Variants in GSAP observed in about 807,000 individuals in gnomAD.
The protein encoded by GSAP is gamma-secretase activating protein.
GSAP carries 118 observed loss-of-function variants against 131.7 expected under a neutral mutation model. The observed-to-expected ratio is 0.90, with a 90% CI of 0.77 to 1.04. The LOEUF (loss-of-function observed/expected upper bound fraction) is 1.04. GSAP is among the 50% of genes least tolerant of loss of function. The probability of loss-of-function intolerance (pLI) is 0.00; values close to 1 mark genes in which losing one functional copy is unlikely to be tolerated. For missense variants in GSAP, 1,019 were observed against 1,013.2 expected (o/e 1.01, Z -0.08); for synonymous variants, 381 against 363.4 (o/e 1.05, Z -0.55).
intron 19 of GSAP, among the ~76,000 whole-genome samples, chr7:77,344,589 G>GT (rs59700865): frequency 1 from 152,280 of 152,282 alleles, 76,139 homozygotes; most frequent in Non-Finnish European, 1. Context: ...TCCTGCTCTT[G>GT]TTACACTGCT....
rs1428101259 is a variant in GSAP at position 77,355,384 on chromosome 7, T to C, written c.1167A>G (p.Ser389=). 1.2e-6 allele frequency: 2 copies of C among 1,610,604 alleles called. No individual in the cohort carries two copies. Among genetic ancestry groups the C allele is most frequent in the East Asian group, 4.5e-5 (2 of 44,782 alleles). Residue 389 remains serine (S), a synonymous_variant, in exon 16 of 31, where the codon TCA becomes TCG. Coordinates refer to ENST00000257626, the MANE Select transcript of GSAP (RefSeq NM_017439.4). ...AATCCAATACCAGGGACCCTGACAA[T>C]GACTGTAAAGGGCAATGAGGTAGCA... ...IDMLPHCPLQ[S]LSGSLVLDCC...
At chr7:77,317,614 A>G (rs559885124) in intron 26 of GSAP, among the ~76,000 whole-genome samples, 17 of 152,368 alleles carry the variant, frequency 1.1e-4, no homozygotes, top group African/African-American at 3.8e-4. Flanking sequence ...ACTATGGATA[A>G]CATCTTTGTT....
chr7:77,320,567 C>G (rs1787497143), intron 26 of GSAP, among the ~76,000 whole-genome samples, 158 bp downstream of exon 26: 1 of 152,126 alleles, frequency 6.6e-6, no homozygotes, highest in Admixed American at 6.5e-5. Flanking sequence ...CTCTGGTCAG[C>G]AGAGACCAAC....
At chr7:77,311,533 A>G in intron 30 of GSAP, 84 bp from the exon 31 acceptor site, 1 of 694,572 alleles carries the variant, frequency 1.4e-6, no homozygotes, top group Admixed American at 2.5e-5. Context: ...ACAGCTCATT[A>G]AAATCATAAT....
At chr7:77,364,293 G>A (rs972470211) in intron 12 of GSAP, among the ~76,000 whole-genome samples, 1 of 152,064 alleles carries the variant, frequency 6.6e-6, no homozygotes, top group Non-Finnish European at 1.5e-5. Flanking sequence ...CCTGGGAAAT[G>A]AACATGATGG....
At chr7:77,327,280 C>T (rs11766346) in intron 22 of GSAP, 15,123 of 152,450 alleles carry the variant, frequency 0.099, 832 homozygotes, top group African/African-American at 0.14. Context: ...ATAAGCAGGG[C>T]AGGAGGGGTG....
At chr7:77,381,283 GA>G in intron 8 of GSAP, 21 bp downstream of exon 8, 1 of 1,456,200 alleles carries the variant, frequency 6.9e-7, no homozygotes, top group Non-Finnish European at 9.4e-7. Flanking sequence ...CCTATGAAGC[GA>G]AAAGAATTTC....
Position 77,362,653 on chromosome 7 carries a change from C to G in GSAP, c.879G>C (p.Leu293Phe), listed in dbSNP as rs981508023. ...LCVFTNHTGS[L>F]CVCYSPKCAS... Reference sequence around the variant, plus strand: ...CACACTTCGGGCTGTAACATACACACAAACTTCCTAGAAGAAAAAGGATAT... The same window carrying G: ...CACACTTCGGGCTGTAACATACACAGAAACTTCCTAGAAGAAAAAGGATAT... The change falls in exon 13 of 31, where the codon TTG becomes TTC. Residue 293 changes from leucine (L) to phenylalanine (F), a missense_variant. Transcript: ENST00000257626. 3 of 1,558,268 alleles carry G rather than the reference C, an allele frequency of 1.9e-6. No homozygotes were observed. Among genetic ancestry groups the G allele is most frequent in the Middle Eastern group, 3.4e-4 (2 of 5,962 alleles).
At chr7:77,350,572 T>TAAA (rs368824065) in intron 18 of GSAP, among the ~76,000 whole-genome samples, 71 of 121,238 alleles carry the variant, frequency 5.9e-4, no homozygotes, top group African/African-American at 1.9e-3. Flanking sequence ...CCCGCTCTAC[T>TAAA]AAAAAAAAAA....
chr7:77,334,497 G>A (rs1391924505), intron 19 of GSAP, among the ~76,000 whole-genome samples: 2 of 147,826 alleles, frequency 1.4e-5, no homozygotes, highest in East Asian at 2.0e-4. Flanking sequence ...GATGGGTTGA[G>A]AGGTGCAGCA....
At chr7:77,388,712 TGTTA>T (rs879270942) in intron 5 of GSAP, among the ~76,000 whole-genome samples, 3 of 152,206 alleles carry the variant, frequency 2.0e-5, no homozygotes, top group Non-Finnish European at 4.4e-5. Context: ...ATTTAATCAG[TGTTA>T]GTTTTCAATA....
chr7:77,325,905 C>A (rs1482054521), intron 23 of GSAP, among the ~76,000 whole-genome samples: 1 of 152,162 alleles, frequency 6.6e-6, no homozygotes. Context: ...AATACAAATG[C>A]CACAAAGATG....
chr7:77,371,869 G>A (rs538849373), intron 12 of GSAP, among the ~76,000 whole-genome samples: 1 of 152,322 alleles, frequency 6.6e-6, no homozygotes, highest in South Asian at 2.1e-4. Context: ...GCTGAGAATA[G>A]AATAGTCACA....
intron 13 of GSAP, among the ~76,000 whole-genome samples, chr7:77,361,110 C>T (rs980949858): frequency 1.3e-5 from 2 of 152,180 alleles, no homozygotes; most frequent in African/African-American, 2.4e-5. Flanking sequence ...CCAGTAGTTG[C>T]TCTGGGCTTA....
Position 77,355,280 on chromosome 7 carries a change from C to T in GSAP, c.1271G>A (p.Cys424Tyr). 6.2e-7 allele frequency: 1 copy of T among 1,614,078 alleles called. No homozygotes were observed. The highest frequency in any genetic ancestry group is 8.5e-7 in the Non-Finnish European group (1 of 1,179,970). The change falls in exon 16 of 31, where the codon TGT becomes TAT. Residue 424 changes from cysteine to tyrosine, a missense_variant. Coordinates refer to ENST00000257626, the MANE Select transcript of GSAP (RefSeq NM_017439.4). Reference sequence around the variant, plus strand: ...GCAGTGCAACGCAGCCATCTTCTCACAGTCTAAGCAAGTGTTCTGCAGAAG... The same window carrying T: ...GCAGTGCAACGCAGCCATCTTCTCATAGTCTAAGCAAGTGTTCTGCAGAAG... ...LQLLQNTCLD[C>Y]EKMAALHCAL...
At chr7:77,411,621 T>G (rs988906393) in intron 1 of GSAP, among the ~76,000 whole-genome samples, 1 of 149,212 alleles carries the variant, frequency 6.7e-6, no homozygotes, top group Non-Finnish European at 1.5e-5. Flanking sequence ...TAAAAAGATC[T>G]AAATAAATAA....
intron 26 of GSAP, among the ~76,000 whole-genome samples, chr7:77,319,152 A>G (rs561812372): frequency 4.6e-5 from 7 of 152,310 alleles, no homozygotes; most frequent in African/African-American, 1.7e-4. Context: ...CAAACCATAT[A>G]TCTAACAAAG....
rs182826896 is a variant in GSAP, at chr7:77,400,860, C to T, written c.244-3445G>A. ...TAATTACAAGCATGCTTGAAGCAAA[C>T]GAAAAAAAGTCTCAGCAAGAAATAT... On this transcript the variant is annotated intron_variant, in intron 3 of 30. Coordinates refer to ENST00000257626, the MANE Select transcript of GSAP (RefSeq NM_017439.4). Among the ~76,000 whole-genome samples the T allele has an allele frequency of 1.4e-4, 21 of 147,056 alleles. No individual in the cohort carries two copies. The East Asian group carries it at 3.0e-3, about 21-fold the overall frequency.
chr7:77,416,395 C>T (rs988472934), upstream of GSAP: 21 of 689,118 alleles, frequency 3.0e-5, no homozygotes, highest in Admixed American at 5.7e-4. Flanking sequence ...GGCCGCCTCG[C>T]CCTCGCGTCC....
Sources: gnomAD v4.1 joint callset for allele counts (sites outside exome capture counted in the v4.1 genomes callset) on GRCh38, gnomAD v4.1.1 for gene constraint, MANE v1.5 for transcripts, NCBI Gene and HGNC (gene_info 2026-07-23, HGNC 2026-07-21) for gene names.